PRPSAP2: variants seen among roughly 807,000 people sequenced by gnomAD.
PRPSAP2 encodes the protein phosphoribosyl pyrophosphate synthetase associated protein 2.
In PRPSAP2, 24 loss-of-function variants were observed where a neutral mutation model predicts 40.6. The observed-to-expected ratio is 0.59, with a 90% CI of 0.43 to 0.83. PRPSAP2 has a LOEUF of 0.83. Among genes scored for constraint, PRPSAP2 ranks in the 40% least tolerant of loss-of-function variants. The pLI, the probability that PRPSAP2 is intolerant of heterozygous loss-of-function variation, is 0.00. For missense variants in PRPSAP2, 292 were observed against 465.6 expected (o/e 0.63, Z 3.43); for synonymous variants, 149 against 164.7 (o/e 0.90, Z 0.73).
At chr17:18,914,265 T>TTTTG (rs1252070175) in intron 9 of PRPSAP2, among the ~76,000 whole-genome samples, 5 of 130,984 alleles carry the variant, frequency 3.8e-5, no homozygotes, top group African/African-American at 1.5e-4. Context: ...TTTTTTTTTT[T>TTTTG]TTTTTTTTTT....
chr17:18,879,148 A>G (rs1192156154), intron 6 of PRPSAP2, among the ~76,000 whole-genome samples: 1 of 152,172 alleles, frequency 6.6e-6, no homozygotes, highest in Non-Finnish European at 1.5e-5. Flanking sequence ...GGGATTACAG[A>G]CACAAGCCAC....
intron 9 of PRPSAP2, among the ~76,000 whole-genome samples, chr17:18,916,025 G>T (rs1174385899): frequency 3.3e-5 from 5 of 151,990 alleles, no homozygotes; most frequent in Non-Finnish European, 7.4e-5. Flanking sequence ...TCACCTTGTT[G>T]CCCAGGCTGG....
chr17:18,876,167 G>T (rs2038287367), intron 5 of PRPSAP2, among the ~76,000 whole-genome samples: 3 of 152,106 alleles, frequency 2.0e-5, no homozygotes, highest in Admixed American at 2.0e-4. Flanking sequence ...ATTTAGTGTT[G>T]TCAGATACAT....
chr17:18,903,659 A>G (rs2040416575), intron 8 of PRPSAP2, among the ~76,000 whole-genome samples: 1 of 152,056 alleles, frequency 6.6e-6, no homozygotes, highest in Non-Finnish European at 1.5e-5. Context: ...ACTTCAGCCC[A>G]GTAGGTGGAG....
intron 11 of PRPSAP2, 73 bp downstream of exon 11, chr17:18,929,030 G>A: frequency 1.3e-6 from 2 of 1,548,612 alleles, no homozygotes; most frequent in East Asian, 2.3e-5. Flanking sequence ...GTTACAGAGA[G>A]TCAGGACAAG....
At chr17:18,892,727 G>GTT (rs60288281) in intron 8 of PRPSAP2, among the ~76,000 whole-genome samples, 3,257 of 126,672 alleles carry the variant, frequency 0.026, 187 homozygotes, top group African/African-American at 0.088. Flanking sequence ...GTGTGTGTGT[G>GTT]TATTTATTTA....
At position 18,908,250 on chromosome 17, in the gene PRPSAP2, A is replaced by C. The variant is rs2040724434; in HGVS notation, c.585-2853A>C. On this transcript the variant is annotated intron_variant, in intron 8 of 11. Transcript: ENST00000268835. ...GAGGCCTTGAAGCCAGTGACGACCCACTCAGCCGAGCTGCCGCTTTCGCAG... is the reference window on the plus strand; with the variant it reads ...GAGGCCTTGAAGCCAGTGACGACCCCCTCAGCCGAGCTGCCGCTTTCGCAG... 4.0e-6 allele frequency: 3 copies of C among 753,018 alleles called. No individual in the cohort carries two copies. In the South Asian group the frequency reaches 4.2e-5, roughly 10 times the overall value. 46.6% of individuals were successfully genotyped at this position (753,018 alleles called of 1,614,324 possible).
intron 7 of PRPSAP2, among the ~76,000 whole-genome samples, chr17:18,883,036 T>C (rs551867124): frequency 4.1e-4 from 63 of 152,140 alleles, no homozygotes; most frequent in Non-Finnish European, 8.2e-4. Flanking sequence ...ATAGCCAGCA[T>C]CCATGATCCC....
At chr17:18,917,589 T>TA (rs1196321627) in intron 9 of PRPSAP2, 1 of 40,446 alleles carries the variant, frequency 2.5e-5, no homozygotes, top group Non-Finnish European at 4.3e-5. Context: ...TTATTATTTT[T>TA]TTTTTTTTTT....
chr17:18,930,517 GTT>G, intron 11 of PRPSAP2, 21 bp from the exon 12 acceptor site: 1 of 1,600,392 alleles, frequency 6.2e-7, no homozygotes, highest in Non-Finnish European at 8.5e-7. Context: ...TGATGCTGTG[GTT>G]TTTTTTCTTT....
At chr17:18,925,822 C>A (rs1052623839) in intron 10 of PRPSAP2, among the ~76,000 whole-genome samples, 1 of 152,164 alleles carries the variant, frequency 6.6e-6, no homozygotes, top group African/African-American at 2.4e-5. Context: ...GTTAGAAAAT[C>A]TCTCTGGGGC....
chr17:18,878,919 G>C (rs2038509004), intron 6 of PRPSAP2, among the ~76,000 whole-genome samples: 1 of 152,092 alleles, frequency 6.6e-6, no homozygotes, highest in South Asian at 2.1e-4. Flanking sequence ...GCCCAGGCTG[G>C]AGTGCAGTGG....
At chr17:18,865,096 T>A (rs572542413) in intron 1 of PRPSAP2, among the ~76,000 whole-genome samples, 20 of 152,318 alleles carry the variant, frequency 1.3e-4, no homozygotes, top group African/African-American at 4.6e-4. Flanking sequence ...CTGCCTGCCT[T>A]GGCTTCCCAA....
intron 5 of PRPSAP2, among the ~76,000 whole-genome samples, chr17:18,876,939 T>G (rs571039545): frequency 6.6e-6 from 1 of 152,052 alleles, no homozygotes; most frequent in Non-Finnish European, 1.5e-5. Flanking sequence ...AAGTTTGGAC[T>G]GGAGTTGTAA....
chr17:18,869,091 A>G (rs955964502), intron 4 of PRPSAP2, among the ~76,000 whole-genome samples: 1 of 152,084 alleles, frequency 6.6e-6, no homozygotes, highest in African/African-American at 2.4e-5. Flanking sequence ...GGAGTCTAGG[A>G]GGGAAGGTGA....
chr17:18,897,067 C>T (rs2039951840), intron 8 of PRPSAP2, among the ~76,000 whole-genome samples: 1 of 151,986 alleles, frequency 6.6e-6, no homozygotes, highest in Admixed American at 6.6e-5. Flanking sequence ...TCAGGTGATC[C>T]ACCTCAGCCT....
intron 10 of PRPSAP2, chr17:18,928,358 G>C (rs2042080533): frequency 5.0e-6 from 1 of 199,088 alleles, no homozygotes; most frequent in Non-Finnish European, 1.1e-5. Context: ...GAGAAAATTT[G>C]GAAATAAGGA....
At chr17:18,877,102 A>G (rs8064446) in intron 5 of PRPSAP2, among the ~76,000 whole-genome samples, 1,936 of 152,280 alleles carry the variant, frequency 0.013, 47 homozygotes, top group African/African-American at 0.043. Context: ...TGGAAGGAGG[A>G]CACCAGAGAG....
chr17:18,909,847 A>G (rs4924945), intron 8 of PRPSAP2, among the ~76,000 whole-genome samples: 82,332 of 151,564 alleles, frequency 0.54, 22,704 homozygotes, highest in African/African-American at 0.6. Flanking sequence ...GGAGGTTCAC[A>G]CCACTGCACT....
Sources: allele counts gnomAD v4.1 joint callset (sites outside exome capture counted in the v4.1 genomes callset), GRCh38; gene constraint gnomAD v4.1.1; transcripts MANE v1.5; gene names NCBI Gene and HGNC (gene_info 2026-07-23, HGNC 2026-07-21).